HMCN1: variants seen among roughly 807,000 people sequenced by gnomAD.
HMCN1 encodes the protein hemicentin 1.
Under a neutral mutation model 625.9 loss-of-function variants are expected in HMCN1, and 321 were observed. That is an observed-to-expected ratio of 0.51 (90% confidence interval 0.47 to 0.56). HMCN1 has a LOEUF of 0.56. Ranked by LOEUF, HMCN1 falls within the 20% of genes least tolerant of loss-of-function variation. The probability of loss-of-function intolerance (pLI) is 0.00; values close to 1 mark genes in which losing one functional copy is unlikely to be tolerated. For synonymous variants in HMCN1, 2,425 were observed against 2,417.6 expected, an observed-to-expected ratio of 1.00 and a Z score of -0.09; for missense variants, 6,588 against 6,887.3, an observed-to-expected ratio of 0.96 and a Z score of 1.54.
chr1:186,073,262 T>C (rs1036695011), intron 52 of HMCN1, among the ~76,000 whole-genome samples: 1 of 152,164 alleles, frequency 6.6e-6, no homozygotes, highest in Non-Finnish European at 1.5e-5. Flanking sequence ...AATAAGTACT[T>C]AGAAGTTACC....
chr1:186,171,396 A>T lies in HMCN1; in HGVS notation c.15634A>T (p.Ser5212Cys), dbSNP rs1652222672. 1.5e-5 allele frequency: 25 copies of T among 1,613,500 alleles called. No homozygotes were observed. The highest frequency in any genetic ancestry group is 1.9e-5 in the Non-Finnish European group (23 of 1,179,592). The change falls in exon 101 of 107, where the codon AGT (serine) becomes TGT (cysteine). Residue 5212 changes from serine (S) to cysteine (C), a missense_variant. Transcript: ENST00000271588. ...CCAGCGCTGTTTCAATGCCATAGGAAGTTTCCATTGTGGATGTGAACCTGG... is the reference window on the plus strand; with the variant it reads ...CCAGCGCTGTTTCAATGCCATAGGATGTTTCCATTGTGGATGTGAACCTGG... ...CHQRCFNAIG[S>C]FHCGCEPGYQ...
At chr1:186,123,286 A>G in intron 81 of HMCN1, 66 bp downstream of exon 81, 1 of 1,556,138 alleles carries the variant, frequency 6.4e-7, no homozygotes, top group Non-Finnish European at 8.7e-7. Flanking sequence ...AAGGCTACCA[A>G]GAGCAAATCT....
At chr1:185,793,166 G>A (rs1341348869) in intron 1 of HMCN1, among the ~76,000 whole-genome samples, 3 of 152,104 alleles carry the variant, frequency 2.0e-5, no homozygotes, top group Non-Finnish European at 4.4e-5. Context: ...TATTATTGCT[G>A]TAATAAATTA....
chr1:186,081,420 T>A (rs1460247164), intron 56 of HMCN1, 26 bp downstream of exon 56: 1 of 1,528,906 alleles, frequency 6.5e-7, no homozygotes, highest in Middle Eastern at 1.7e-4. Context: ...GATCTAATTT[T>A]AAAAGAGCTA....
intron 42 of HMCN1, among the ~76,000 whole-genome samples, chr1:186,051,594 T>G (rs1656955184): frequency 6.6e-6 from 1 of 152,082 alleles, no homozygotes; most frequent in South Asian, 2.1e-4. Flanking sequence ...ATCTATGTAA[T>G]TGTGTCATTT....
intron 97 of HMCN1, among the ~76,000 whole-genome samples, chr1:186,162,073 G>C (rs1225688316): frequency 2.0e-5 from 3 of 152,068 alleles, no homozygotes; most frequent in African/African-American, 7.2e-5. Flanking sequence ...ACGTAGATTT[G>C]GTCTTTACAC....
intron 46 of HMCN1, among the ~76,000 whole-genome samples, chr1:186,059,078 T>C (rs1657521919): frequency 6.6e-6 from 1 of 152,038 alleles, no homozygotes; most frequent in Non-Finnish European, 1.5e-5. Flanking sequence ...ACACAGCACT[T>C]GCTTCTATGG....
intron 84 of HMCN1, 35 bp from the exon 85 acceptor site, chr1:186,130,472 C>T (rs1216728801): frequency 6.3e-7 from 1 of 1,593,132 alleles, no homozygotes; most frequent in Non-Finnish European, 8.6e-7. Context: ...TCAGCACTTA[C>T]TTTTACTTTG....
intron 98 of HMCN1, 122 bp from the exon 99 acceptor site, chr1:186,166,061 AT>A (rs201646166): frequency 0.012 from 12,191 of 1,027,860 alleles, 101 homozygotes; most frequent in Middle Eastern, 0.023. Flanking sequence ...CACTTAAAGC[AT>A]TTTCTATTAT....
chr1:185,828,933 T>A (rs987966149), intron 1 of HMCN1, among the ~76,000 whole-genome samples: 1 of 151,918 alleles, frequency 6.6e-6, no homozygotes, highest in African/African-American at 2.4e-5. Context: ...AACAACAAAA[T>A]TAACCTATGC....
intron 86 of HMCN1, among the ~76,000 whole-genome samples, chr1:186,135,898 C>T (rs1649572017): frequency 6.6e-6 from 1 of 152,166 alleles, no homozygotes; most frequent in African/African-American, 2.4e-5. Flanking sequence ...GGACTGTGAG[C>T]TCCTTGAGAC....
At chr1:186,102,325 A>G (rs762088629) in intron 68 of HMCN1, among the ~76,000 whole-genome samples, 16 of 152,176 alleles carry the variant, frequency 1.1e-4, no homozygotes, top group Non-Finnish European at 2.4e-4. Context: ...GAACTGACTT[A>G]GTATATTATC....
At position 186,136,693 on chromosome 1, in the gene HMCN1, A is replaced by G; in HGVS notation, c.13338A>G (p.Pro4446=). Residue 4446 remains proline (P), a synonymous_variant, in exon 87 of 107, where the codon CCA becomes CCG. Coordinates refer to ENST00000271588, the MANE Select transcript of HMCN1 (RefSeq NM_031935.3). The part of the protein sequence containing the change: ...LQSPPIITLE[P]VETVINAGGK... ...GTCCTCCTATTATCACTCTTGAGCC[A>G]GTGGAAACTGTTATTAATGCTGGTG... The G allele has an allele frequency of 6.2e-7, 1 of 1,613,980 alleles. No homozygotes were observed. The highest frequency in any genetic ancestry group is 8.5e-7 in the Non-Finnish European group (1 of 1,179,890).
chr1:185,979,146 A>G (rs1413882081), intron 16 of HMCN1, among the ~76,000 whole-genome samples: 2 of 152,140 alleles, frequency 1.3e-5, no homozygotes, highest in Non-Finnish European at 2.9e-5. Context: ...CCATTCTCTG[A>G]GTGGATGCCC....
chr1:185,945,621 T>C (rs531136609), intron 11 of HMCN1, among the ~76,000 whole-genome samples: 1 of 152,130 alleles, frequency 6.6e-6, no homozygotes, highest in South Asian at 2.1e-4. Flanking sequence ...TGAGTAGAGA[T>C]TGAGAAGGGC....
At chr1:185,983,618 G>A (rs1651811716) in intron 18 of HMCN1, among the ~76,000 whole-genome samples, 1 of 152,118 alleles carries the variant, frequency 6.6e-6, no homozygotes, top group Non-Finnish European at 1.5e-5. Context: ...CAGATTTAGA[G>A]GTGATCATTC....
intron 4 of HMCN1, among the ~76,000 whole-genome samples, chr1:185,895,112 CA>C (rs1665411675): frequency 1.3e-5 from 2 of 149,586 alleles, no homozygotes; most frequent in South Asian, 4.2e-4. Flanking sequence ...TTTTTTGTTA[CA>C]CATATTTACA....
At chr1:186,139,792 T>C (rs1649839176) in intron 89 of HMCN1, among the ~76,000 whole-genome samples, 2 of 152,032 alleles carry the variant, frequency 1.3e-5, no homozygotes, top group South Asian at 4.1e-4. Flanking sequence ...GTAGTAGGAG[T>C]ATCTATACCA....
At chr1:186,124,163 TTAA>T (rs1201532585) in intron 81 of HMCN1, among the ~76,000 whole-genome samples, 1 of 152,068 alleles carries the variant, frequency 6.6e-6, no homozygotes, top group Non-Finnish European at 1.5e-5. Context: ...AAAGAAATTG[TTAA>T]TAAGTTTCAA....
Sources: allele counts gnomAD v4.1 joint callset (sites outside exome capture counted in the v4.1 genomes callset), GRCh38; gene constraint gnomAD v4.1.1; transcripts MANE v1.5; gene names NCBI Gene and HGNC (gene_info 2026-07-23, HGNC 2026-07-21).